Variants in PCDHA12 observed in about 807,000 individuals in gnomAD.
PCDHA12 encodes the protein protocadherin alpha 12.
A neutral mutation model predicts 60.0 loss-of-function variants in PCDHA12; 44 were observed. That is an observed-to-expected ratio of 0.73 (90% CI 0.58 to 0.94). The LOEUF is 0.94. Ranked by LOEUF, PCDHA12 falls within the 40% of genes least tolerant of loss-of-function variation. PCDHA12 has a pLI of 0.00. For missense variants in PCDHA12, 1,276 were observed against 1,239.7 expected (o/e 1.03, Z -0.44); for synonymous variants, 569 against 553.0 (o/e 1.03, Z -0.40).
chr5:141,010,341 T>G lies in PCDHA12; in HGVS notation c.*404T>G, dbSNP rs199826290. The stretch of plus-strand genomic sequence containing the variant: ...GAGCAGCTTGGGAGTTTGTGGCCAC[T>G]GGGTATGTGTGGCTACCGCGGGTAT... On this transcript the variant is annotated 3_prime_UTR_variant, in exon 4 of 4. Transcript: ENST00000398631. The G allele has an allele frequency of 4.0e-6, 6 of 1,503,220 alleles. No individual in the cohort carries two copies. Among genetic ancestry groups the G allele is most frequent in the Non-Finnish European group, 4.5e-6 (5 of 1,119,592 alleles). The allele number at this position is 1,503,220 out of a possible 1,614,324, so 93.1% of individuals were successfully genotyped here.
chr5:140,967,114 C>T (rs782407413), intron 1 of PCDHA12: 17 of 1,612,932 alleles, frequency 1.1e-5, no homozygotes, highest in Non-Finnish European at 1.4e-5. Flanking sequence ...AGCGGCCTCG[C>T]TGCCTGCTCA....
chr5:140,884,555 G>A (rs1554181729), intron 1 of PCDHA12: 1 of 1,614,098 alleles, frequency 6.2e-7, no homozygotes. Flanking sequence ...CTCTGGGGAG[G>A]GCCCGCATAA....
At chr5:140,979,494 A>C (rs1284874558) in intron 2 of PCDHA12, among the ~76,000 whole-genome samples, 6 of 152,010 alleles carry the variant, frequency 3.9e-5, no homozygotes, top group African/African-American at 1.2e-4. Flanking sequence ...CACCTATTAG[A>C]GCCTCCTCAT....
chr5:140,884,444 C>G (rs1186302015), intron 1 of PCDHA12: 1 of 1,613,776 alleles, frequency 6.2e-7, no homozygotes, highest in East Asian at 2.2e-5. Flanking sequence ...GTGCTCGGCA[C>G]CGCCCACCGA....
In PCDHA12 at chr5:140,882,341, G is replaced by A. The variant is rs782271839; in HGVS notation, c.2367+4502G>A. 5.6e-6 allele frequency: 9 copies of A among 1,614,058 alleles called. No individual in the cohort carries two copies. The Admixed American group carries it at 1.3e-4, about 24-fold the overall frequency. ...CTGGCTTCTGATCCTCGCAGCCTGGGAGACGGGTAGTGGCCAGCTCCACTA... is the reference window on the plus strand; with the variant it reads ...CTGGCTTCTGATCCTCGCAGCCTGGAAGACGGGTAGTGGCCAGCTCCACTA... On this transcript the variant is annotated intron_variant, in intron 1 of 3. Coordinates refer to ENST00000398631, the MANE Select transcript of PCDHA12 (RefSeq NM_018903.4).
At chr5:140,979,548 C>A (rs2153819465) in intron 2 of PCDHA12, among the ~76,000 whole-genome samples, 1 of 152,286 alleles carries the variant, frequency 6.6e-6, no homozygotes, top group African/African-American at 2.4e-5. Context: ...TGACATGGTT[C>A]TTCAGAAGAT....
intron 1 of PCDHA12, chr5:140,927,555 C>T (rs1554204727): frequency 8.7e-6 from 14 of 1,614,058 alleles, no homozygotes; most frequent in East Asian, 2.2e-5. Flanking sequence ...AAGTCACCAT[C>T]ATTGTGGTGG....
intron 1 of PCDHA12, among the ~76,000 whole-genome samples, chr5:140,947,890 G>A (rs1233922642): frequency 1.3e-5 from 2 of 151,506 alleles, no homozygotes; most frequent in African/African-American, 4.8e-5. Context: ...AATATAAACA[G>A]AAGTGGTGAG....
intron 1 of PCDHA12, among the ~76,000 whole-genome samples, chr5:140,897,558 T>A (rs1413076305): frequency 3.3e-5 from 5 of 152,186 alleles, no homozygotes; most frequent in African/African-American, 1.2e-4. Context: ...ATGGTGTATA[T>A]GTGCCACATT....
chr5:140,985,572 C>G (rs2097158307), intron 3 of PCDHA12, among the ~76,000 whole-genome samples: 1 of 152,142 alleles, frequency 6.6e-6, no homozygotes, highest in Non-Finnish European at 1.5e-5. Context: ...CTTTCTGGTG[C>G]CTAAGCCTCC....
chr5:140,972,479 C>T (rs782631191), intron 1 of PCDHA12, among the ~76,000 whole-genome samples: 1 of 151,994 alleles, frequency 6.6e-6, no homozygotes, highest in Non-Finnish European at 1.5e-5. Flanking sequence ...CAGCATTTAA[C>T]CCCAGACTCT....
At chr5:140,950,131 C>G (rs1030150193) in intron 1 of PCDHA12, among the ~76,000 whole-genome samples, 6 of 151,858 alleles carry the variant, frequency 4.0e-5, no homozygotes, top group Non-Finnish European at 7.4e-5. Flanking sequence ...CCACAAGACA[C>G]AGTTATAATT....
At chr5:140,975,795 CT>C (rs1219508800) in intron 1 of PCDHA12, among the ~76,000 whole-genome samples, 2 of 151,168 alleles carry the variant, frequency 1.3e-5, no homozygotes, top group Non-Finnish European at 1.5e-5. Flanking sequence ...TAAATTAAAT[CT>C]TTTTTATAAT....
intron 1 of PCDHA12, among the ~76,000 whole-genome samples, chr5:140,973,232 G>GA (rs2096577680): frequency 6.6e-6 from 1 of 152,196 alleles, no homozygotes; most frequent in African/African-American, 2.4e-5. Flanking sequence ...ATAGTGACCT[G>GA]AAAGAGTTAA....
rs2098416892 is a variant in PCDHA12, at chr5:141,010,305, G to A, written c.*368G>A. ...TGACACTTGCAGGGCAGGCTGAAAA[G>A]TTTTGAGATTGAGCAGCTTGGGAGT... is the stretch of plus-strand genomic sequence containing the variant. On this transcript the variant is annotated 3_prime_UTR_variant, in exon 4 of 4. Coordinates refer to ENST00000398631, the MANE Select transcript of PCDHA12 (RefSeq NM_018903.4). 1 of 1,548,478 alleles carries A rather than the reference G, an allele frequency of 6.5e-7. No individual in the cohort carries two copies. The highest frequency in any genetic ancestry group is 2.4e-5 in the East Asian group (1 of 40,890).
At chr5:140,919,014 A>G (rs1008657889) in intron 1 of PCDHA12, among the ~76,000 whole-genome samples, 1 of 152,184 alleles carries the variant, frequency 6.6e-6, no homozygotes, top group Non-Finnish European at 1.5e-5. Context: ...TTCATTTCCT[A>G]GTGATCTTCT....
At chr5:140,974,350 C>T (rs555781549) in intron 1 of PCDHA12, among the ~76,000 whole-genome samples, 1 of 152,304 alleles carries the variant, frequency 6.6e-6, no homozygotes, top group South Asian at 2.1e-4. Flanking sequence ...GCATCCAGAA[C>T]TAAACAGACC....
At chr5:140,964,183 C>A (rs1422782402) in intron 1 of PCDHA12, among the ~76,000 whole-genome samples, 2 of 152,164 alleles carry the variant, frequency 1.3e-5, no homozygotes, top group Non-Finnish European at 2.9e-5. Context: ...CATTATAGTG[C>A]CAAATAGAGT....
intron 2 of PCDHA12, 58 bp from the exon 3 acceptor site, chr5:140,982,417 G>T: frequency 1.2e-6 from 2 of 1,610,546 alleles, no homozygotes; most frequent in Non-Finnish European, 1.7e-6. Flanking sequence ...GAGGGTGGAA[G>T]AAGAGATGGG....
Sources: allele counts gnomAD v4.1 joint callset (sites outside exome capture counted in the v4.1 genomes callset), GRCh38; gene constraint gnomAD v4.1.1; transcripts MANE v1.5; gene names NCBI Gene and HGNC (gene_info 2026-07-23, HGNC 2026-07-21).